The following PDGFRB variants were observed in gnomAD, a reference collection of about 807,000 sequenced individuals.
PDGFRB encodes the protein platelet-derived growth factor receptor beta.
In PDGFRB, 42 loss-of-function variants were observed where a neutral mutation model predicts 120.2. The observed-to-expected ratio is 0.35, with a 90% CI of 0.27 to 0.45. PDGFRB has a LOEUF of 0.45. Ranked by LOEUF, PDGFRB falls within the 20% of genes least tolerant of loss-of-function variation. The pLI is 1.00. For missense variants in PDGFRB, 1,149 were observed against 1,476.3 expected, an observed-to-expected ratio of 0.78 and a Z score of 3.63; for synonymous variants, 586 against 606.8, an observed-to-expected ratio of 0.97 and a Z score of 0.50.
chr5:150,132,660 G>A lies in PDGFRB; in HGVS notation c.1127+90C>T. 7.9e-7 allele frequency: 1 copy of A among 1,259,918 alleles called. No individual in the cohort carries two copies. The highest frequency in any genetic ancestry group is 2.5e-5 in the East Asian group (1 of 40,030). The allele number at this position is 1,259,918 out of a possible 1,614,324, so 78.0% of individuals were successfully genotyped here. On this transcript the variant is annotated intron_variant, in intron 7 of 22. Transcript: ENST00000261799. This position sits in a 1 kb window ranked among gnomAD's most constrained non-coding sequence, Gnocchi z 5.0. ...CACCTAATATGCTCTCAGAAAGCTG[G>A]GCCTAGGTTTGTGGCTGAAAGCCGA...
At position 150,122,142 on chromosome 5, in the gene PDGFRB, C is replaced by G. The variant is rs937994166; in HGVS notation, c.2184-102G>C. 6 of 838,374 alleles carry G rather than the reference C, an allele frequency of 7.2e-6. No individual in the cohort carries two copies. In the Admixed American group the frequency reaches 1.3e-4, roughly 18 times the overall value. The allele number at this position is 838,374 out of a possible 1,614,324, so 51.9% of individuals were successfully genotyped here. A position where few individuals can be genotyped will look rare whatever the true frequency, so the allele number is the denominator to read the frequency against. On this transcript the variant is annotated intron_variant, in intron 15 of 22. Coordinates refer to ENST00000261799, the MANE Select transcript of PDGFRB (RefSeq NM_002609.4). ...ATTTCTTCTCTCACTCACACACTCACTCATCTTCCTTCAGTCTATCCCAGT... is the reference window on the plus strand; with the variant it reads ...ATTTCTTCTCTCACTCACACACTCAGTCATCTTCCTTCAGTCTATCCCAGT...
At chr5:150,138,861 G>T (rs1300705472) in intron 1 of PDGFRB, among the ~76,000 whole-genome samples, 1 of 152,216 alleles carries the variant, frequency 6.6e-6, no homozygotes, top group Non-Finnish European at 1.5e-5. Flanking sequence ...GGGGGAGGGG[G>T]TCACTTCAGC....
chr5:150,120,705 G>A lies in PDGFRB; in HGVS notation c.2586+183C>T, dbSNP rs982960277. 5.3e-5 allele frequency among the ~76,000 whole-genome samples: 8 copies of A among 152,002 alleles called. No individual in the cohort carries two copies. The highest frequency in any genetic ancestry group is 9.7e-5 in the African/African-American group (4 of 41,386). On this transcript the variant is annotated intron_variant, in intron 18 of 22. Coordinates refer to ENST00000261799, the MANE Select transcript of PDGFRB (RefSeq NM_002609.4). This position sits in a 1 kb window ranked among gnomAD's most constrained non-coding sequence, Gnocchi z 4.3. ...ATACTTGCTCCATGCACTCCTGGGC[G>A]GCTCCCCATCCTGTCCCTGCACACA...
chr5:150,129,390 G>A (rs934366510), intron 10 of PDGFRB, among the ~76,000 whole-genome samples: 1 of 152,118 alleles, frequency 6.6e-6, no homozygotes, highest in Admixed American at 6.5e-5. Context: ...CTTTACAGGA[G>A]TGACTGGAGA....
chr5:150,136,718 T>G (rs562295695), intron 2 of PDGFRB, among the ~76,000 whole-genome samples: 1 of 151,992 alleles, frequency 6.6e-6, no homozygotes, highest in South Asian at 2.1e-4. Flanking sequence ...AGACCGAGGA[T>G]AGGAGGCCAG....
In PDGFRB at chr5:150,152,154, G is replaced by A. The variant is rs184326801; in HGVS notation, c.-7+3243C>T. 4.6e-3 allele frequency among the ~76,000 whole-genome samples: 704 copies of A among 152,046 alleles called. 7 individuals carry two copies. The highest frequency in any genetic ancestry group is 0.037 in the South Asian group (179 of 4,810). On this transcript the variant is annotated intron_variant, in intron 1 of 22. Coordinates refer to ENST00000261799, the MANE Select transcript of PDGFRB (RefSeq NM_002609.4). ...ACTCCAGACCTCGGGTGATCCACCC[G>A]CCTCGGCCTCCCAAAGTGCTGGGAT... is the stretch of plus-strand genomic sequence containing the variant.
intron 1 of PDGFRB, among the ~76,000 whole-genome samples, chr5:150,137,637 C>T (rs1760672335): frequency 6.6e-6 from 1 of 152,186 alleles, no homozygotes; most frequent in Admixed American, 6.5e-5. Context: ...CACCTTTACT[C>T]AGCCCAGAGC....
intron 1 of PDGFRB, among the ~76,000 whole-genome samples, chr5:150,140,328 G>A (rs551617560): frequency 6.6e-5 from 10 of 152,128 alleles, no homozygotes; most frequent in Non-Finnish European, 1.5e-4. Context: ...CTAGGGAAGG[G>A]CCACCTAGGA....
chr5:150,122,890 G>T, intron 15 of PDGFRB, 152 bp downstream of exon 15: 1 of 684,904 alleles, frequency 1.5e-6, no homozygotes, highest in Non-Finnish European at 2.5e-6. Context: ...CTCATCTGGG[G>T]TGGACCATCT....
intron 1 of PDGFRB, among the ~76,000 whole-genome samples, chr5:150,151,646 G>A (rs1761079722): frequency 6.6e-6 from 1 of 151,976 alleles, no homozygotes; most frequent in South Asian, 2.1e-4. Context: ...ATCACTTGAG[G>A]TCAGGTAGTT....
At chr5:150,145,859 A>G (rs990776413) in intron 1 of PDGFRB, among the ~76,000 whole-genome samples, 37 of 152,338 alleles carry the variant, frequency 2.4e-4, no homozygotes, top group African/African-American at 8.9e-4. Context: ...CCTGGGCAAC[A>G]AGAGTGAAAC....
intron 1 of PDGFRB, among the ~76,000 whole-genome samples, chr5:150,152,511 C>T (rs1761104553): frequency 6.6e-6 from 1 of 152,138 alleles, no homozygotes; most frequent in Non-Finnish European, 1.5e-5. Flanking sequence ...AACCCACTGC[C>T]CACTGGGTTC....
chr5:150,137,762 A>AC (rs922973391), intron 1 of PDGFRB, among the ~76,000 whole-genome samples: 4 of 152,084 alleles, frequency 2.6e-5, no homozygotes, highest in African/African-American at 9.7e-5. Flanking sequence ...CCCCACCCCC[A>AC]CCCCCAGGGT....
intron 9 of PDGFRB, 58 bp downstream of exon 9, chr5:150,130,481 C>G (rs1760431887): frequency 6.4e-7 from 1 of 1,568,768 alleles, no homozygotes; most frequent in East Asian, 2.2e-5. Context: ...AGATAACCTT[C>G]ACGAGCTTTT....
At chr5:150,133,290 T>A (rs539032141) in intron 6 of PDGFRB, among the ~76,000 whole-genome samples, 2 of 152,218 alleles carry the variant, frequency 1.3e-5, no homozygotes, top group African/African-American at 4.8e-5. Flanking sequence ...AGGTTGGGGC[T>A]GGGGCTCTGG....
At chr5:150,134,124 T>A (rs1412716777) in intron 4 of PDGFRB, 116 bp from the exon 5 acceptor site, 1 of 924,668 alleles carries the variant, frequency 1.1e-6, no homozygotes, top group Non-Finnish European at 1.7e-6. Context: ...AGAAGATTCA[T>A]TCATTCAACA....
rs1580814253 is a variant in PDGFRB at position 150,139,414 on chromosome 5, A to G, written c.-6-2361T>C. The stretch of plus-strand genomic sequence containing the variant: ...CCATATAGAGAGGTTGGCAGGTGTC[A>G]TCTCAAAGAGCTGTCCCTATGGTGA... On this transcript the variant is annotated intron_variant, in intron 1 of 22. Transcript: ENST00000261799. Among the ~76,000 whole-genome samples the G allele has an allele frequency of 3.3e-5, 5 of 152,214 alleles. No homozygotes were observed. The South Asian group carries it at 1.0e-3, about 32-fold the overall frequency.
rs111574340 is a variant in PDGFRB, at chr5:150,137,564, C to T, written c.-6-511G>A. On this transcript the variant is annotated intron_variant, in intron 1 of 22. Coordinates refer to ENST00000261799, the MANE Select transcript of PDGFRB (RefSeq NM_002609.4). ...CAAGCACAACAGGAAATGGAGGAGG[C>T]TGTGGGCTGTGGGAAGGGAAGCCGG... 313 of 156,754 alleles carry T rather than the reference C, an allele frequency of 2.0e-3. 1 individual carries two copies. Among genetic ancestry groups the T allele is most frequent in the African/African-American group, 7.1e-3 (294 of 41,604 alleles). The allele number at this position is 156,754 out of a possible 1,614,324, so 9.7% of individuals were successfully genotyped here. A position where few individuals can be genotyped will look rare whatever the true frequency, so the allele number is the denominator to read the frequency against.
chr5:150,125,385 G>A (rs904728335), intron 12 of PDGFRB, 60 bp downstream of exon 12: 3 of 1,504,660 alleles, frequency 2.0e-6, no homozygotes, highest in African/African-American at 2.8e-5. Flanking sequence ...CCAGACCTCA[G>A]AGAGTCTTCC....
Sources: allele counts gnomAD v4.1 joint callset (sites outside exome capture counted in the v4.1 genomes callset), GRCh38; gene constraint gnomAD v4.1.1; non-coding constraint Gnocchi (gnomAD v3.1); transcripts MANE v1.5; gene names NCBI Gene and HGNC (gene_info 2026-07-23, HGNC 2026-07-21).